Variants in FAN1 observed in about 807,000 individuals in gnomAD.
FAN1 encodes the protein FANCD2 and FANCI associated nuclease 1.
A neutral mutation model predicts 104.9 loss-of-function variants in FAN1; 91 were observed. The ratio of observed to expected loss-of-function variants is 0.87; its 90% CI spans 0.73 to 1.03. The LOEUF is 1.03. Among genes scored for constraint, FAN1 ranks in the 50% least tolerant of loss-of-function variants. The pLI, the probability that FAN1 is intolerant of heterozygous loss-of-function variation, is 0.00. For missense variants in FAN1, 1,263 were observed against 1,239.9 expected (o/e 1.02, Z -0.28); for synonymous variants, 478 against 457.6 (o/e 1.04, Z -0.57).
Position 30,905,116 on chromosome 15 carries a change from T to C in FAN1, c.453T>C (p.Cys151=), listed in dbSNP as rs746819476. 2.0e-5 allele frequency: 32 copies of C among 1,613,964 alleles called. No individual in the cohort carries two copies. Among genetic ancestry groups the C allele is most frequent in the Non-Finnish European group, 2.1e-5 (25 of 1,180,026 alleles). ...ELRNRSVKVI[C]LGSLASKLSR... is the part of the protein sequence containing the mutation. ...GAAATCGTAGTGTGAAAGTCATTTG[T>C]TTGGGAAGCCTAGCATCTAAATTGT... Residue 151 remains cysteine, a synonymous_variant, in exon 2 of 15, where the codon TGT becomes TGC. Coordinates refer to ENST00000362065, the MANE Select transcript of FAN1 (RefSeq NM_014967.5).
chr15:30,913,826 T>C (rs772175550), intron 4 of FAN1, 32 bp from the exon 5 acceptor site: 1 of 1,436,836 alleles, frequency 7.0e-7, no homozygotes, highest in African/African-American at 1.4e-5. Flanking sequence ...CTTAAAAAGC[T>C]AAAAGTTATT....
rs142350646 is a variant in FAN1, at chr15:30,905,153, G to C, written c.490G>C (p.Val164Leu). The C allele has an allele frequency of 6.2e-7, 1 of 1,613,686 alleles. No homozygotes were observed. The highest frequency in any genetic ancestry group is 1.3e-5 in the African/African-American group (1 of 74,910). ...AGCATCTAAATTGTCCAGAAAATACGTAAAGGCTAAAAAATCAATAGATAA... is the reference window on the plus strand; with the variant it reads ...AGCATCTAAATTGTCCAGAAAATACCTAAAGGCTAAAAAATCAATAGATAA... ...SLASKLSRKY[V>L]KAKKSIDKDE... Residue 164 changes from valine (V) to leucine (L), a missense_variant, in exon 2 of 15, where the codon GTA becomes CTA. This residue lies in a region of FAN1 where 682 missense variants were observed against 571.1 expected (regional missense o/e 1.19). Transcript: ENST00000362065.
intron 3 of FAN1, among the ~76,000 whole-genome samples, chr15:30,909,739 C>T (rs1226120871): frequency 6.6e-6 from 1 of 152,192 alleles, no homozygotes; most frequent in African/African-American, 2.4e-5. Flanking sequence ...GTCTCAGAGC[C>T]TTGGACTGAC....
chr15:30,929,701 ATT>A (rs1188381346), intron 12 of FAN1, among the ~76,000 whole-genome samples: 1 of 60,996 alleles, frequency 1.6e-5, no homozygotes, highest in Non-Finnish European at 3.3e-5. Flanking sequence ...TAAAATATAT[ATT>A]ATATCATATA....
At chr15:30,940,984 A>C (rs1418782995) in intron 14 of FAN1, 2 of 1,133,664 alleles carry the variant, frequency 1.8e-6, no homozygotes, top group Non-Finnish European at 1.1e-6. Context: ...GCCCCAGAAC[A>C]CTGAACCTTC....
At chr15:30,939,687 G>A (rs1485328968) in intron 14 of FAN1, 7 of 959,800 alleles carry the variant, frequency 7.3e-6, no homozygotes, top group African/African-American at 1.8e-5. Flanking sequence ...AAATTACAGA[G>A]GGAAAAATGC....
chr15:30,921,382 T>A (rs911103413), intron 7 of FAN1, among the ~76,000 whole-genome samples: 3 of 152,218 alleles, frequency 2.0e-5, no homozygotes, highest in Non-Finnish European at 4.4e-5. Context: ...ATGGATTGTC[T>A]GGAGACAATT....
chr15:30,913,197 G>A (rs2949566), intron 4 of FAN1, among the ~76,000 whole-genome samples: 62,905 of 152,030 alleles, frequency 0.41, 14,333 homozygotes, highest in East Asian at 0.85. Context: ...ATTCTCATAG[G>A]AGTGTGAACC....
intron 14 of FAN1, chr15:30,940,336 T>C (rs2062999114): frequency 1.0e-6 from 1 of 985,324 alleles, no homozygotes; most frequent in African/African-American, 1.7e-5. Context: ...CTCCTCAACT[T>C]TGCTGTCCAA....
Position 30,918,162 on chromosome 15 carries a change from A to G in FAN1, c.1812-2A>G. The G allele has an allele frequency of 6.2e-7, 1 of 1,613,932 alleles. No homozygotes were observed. Among genetic ancestry groups the G allele is most frequent in the Non-Finnish European group, 8.5e-7 (1 of 1,180,006 alleles). ...TGGAACTTGGATGGCATTTTCCTCC[A>G]GATATGCAGCAGCCACGCACATGCT... is the stretch of plus-strand genomic sequence containing the variant. On this transcript the variant is annotated splice_acceptor_variant, in intron 5 of 14. Coordinates refer to ENST00000362065, the MANE Select transcript of FAN1 (RefSeq NM_014967.5). LOFTEE classifies it high-confidence loss of function.
In FAN1 at chr15:30,930,594, C is replaced by G. The variant is rs1161372097; in HGVS notation, c.2839C>G (p.Leu947Val). 1 of 1,612,946 alleles carries G rather than the reference C, an allele frequency of 6.2e-7. No homozygotes were observed. The highest frequency in any genetic ancestry group is 8.5e-7 in the Non-Finnish European group (1 of 1,179,574). The change falls in exon 13 of 15, where the codon CTG becomes GTG. Residue 947 changes from leucine (L) to valine (V), a missense_variant. Leu to Val is a conservative substitution (Grantham distance 32). Transcript: ENST00000362065. The stretch of plus-strand genomic sequence containing the variant: ...TGTGCTCAGTGGTGTGTGCAGGCAC[C>G]TGGCTGCTGACTTTCGACACTGTCG... ...GPVLSGVCRH[L>V]AADFRHCRGG...
In FAN1 at chr15:30,922,283, C is replaced by G. The variant is rs757881359; in HGVS notation, c.2101C>G (p.Pro701Ala). Residue 701 changes from proline to alanine, a missense_variant, in exon 8 of 15, where the codon CCT (proline) becomes GCT (alanine). Around this residue, in one of 2 missense-constraint regions of FAN1, gnomAD observed 581 missense variants for 668.8 expected, o/e 0.87. Coordinates refer to ENST00000362065, the MANE Select transcript of FAN1 (RefSeq NM_014967.5). ...ESLLSQRIYC[P>A]DSRGRWWDRL... ...CCTTTTGTCTCAGAGAATTTATTGT[C>G]CTGACAGCAGAGGCCGATGGTGGGA... The G allele has an allele frequency of 1.4e-5, 22 of 1,613,980 alleles. No homozygotes were observed. The highest frequency in any genetic ancestry group is 1.6e-4 in the Middle Eastern group (1 of 6,062).
intron 8 of FAN1, 107 bp from the exon 9 acceptor site, chr15:30,925,020 A>T (rs1450553410): frequency 4.2e-6 from 5 of 1,203,300 alleles, no homozygotes; most frequent in Admixed American, 2.3e-5. Context: ...TCATTTGCTA[A>T]TCAGCAAAAT....
intron 8 of FAN1, 172 bp from the exon 9 acceptor site, chr15:30,924,955 A>G: frequency 3.2e-6 from 2 of 627,390 alleles, no homozygotes; most frequent in Admixed American, 3.4e-5. Flanking sequence ...GATGCATTGA[A>G]ATCCTCAGAA....
intron 10 of FAN1, chr15:30,927,496 T>C: frequency 1.0e-6 from 1 of 985,700 alleles, no homozygotes; most frequent in Non-Finnish European, 1.2e-6. Flanking sequence ...GCCTCAGAAG[T>C]GCAGGACAGA....
chr15:30,940,369 T>C lies in FAN1; in HGVS notation c.*4-1197T>C, dbSNP rs151109775. On this transcript the variant is annotated intron_variant, in intron 14 of 14. Transcript: ENST00000362065. ...CAAAGTTGGGGGCTGGGGGAGCACT[T>C]CTGTCGCTATTCAAATGGCAGTGTT... 300 of 985,456 alleles carry C rather than the reference T, an allele frequency of 3.0e-4. No individual in the cohort carries two copies. The African/African-American group carries it at 4.8e-3, about 16-fold the overall frequency. The allele number at this position is 985,456 out of a possible 1,614,324, so 61.0% of individuals were successfully genotyped here.
chr15:30,943,069 A>G lies in FAN1; in HGVS notation c.*1507A>G, dbSNP rs1488488012. On this transcript the variant is annotated 3_prime_UTR_variant, in exon 15 of 15. Transcript: ENST00000362065. ...AATTGGATGTTTTTGCTTATAGCAA[A>G]TTCCTGCAAAATAAATAAATAAATA... is the stretch of plus-strand genomic sequence containing the variant. The G allele has an allele frequency of 6.5e-7, 1 of 1,526,756 alleles. No individual in the cohort carries two copies. The allele number at this position is 1,526,756 out of a possible 1,614,324, so 94.6% of individuals were successfully genotyped here. A position where few individuals can be genotyped will look rare whatever the true frequency, so the allele number is the denominator to read the frequency against.
rs759742998 is a variant in FAN1, at chr15:30,922,342, G to T, written c.2160G>T (p.Lys720Asn). Residue 720 changes from lysine (K) to asparagine (N), a missense_variant, in exon 8 of 15, where the codon AAG (lysine) becomes AAT (asparagine). Lys to Asn is a moderately conservative substitution (Grantham distance 94). Transcript: ENST00000362065. Reference protein sequence around the residue: ...RLALNLHQHLKRLEPTIKCIT... With the variant: ...RLALNLHQHLNRLEPTIKCIT... The stretch of plus-strand genomic sequence containing the variant: ...CCCTTAATTTACACCAGCACTTGAA[G>T]CGCCTGGAACCGGTACTCAGTAACA... The T allele has an allele frequency of 1.9e-6, 3 of 1,612,618 alleles. No individual in the cohort carries two copies. The South Asian group carries it at 3.3e-5, about 18-fold the overall frequency.
At position 30,905,086 on chromosome 15, in the gene FAN1, G is replaced by A. The variant is rs750395783; in HGVS notation, c.423G>A (p.Glu141=). 6.2e-7 allele frequency: 1 copy of A among 1,614,060 alleles called. No homozygotes were observed. Among genetic ancestry groups the A allele is most frequent in the Admixed American group, 1.7e-5 (1 of 60,026 alleles). ...ATGTGGTGTGCAAAAATCAAGATGA[G>A]CTGAGAAATCGTAGTGTGAAAGTCA... ...SNDVVCKNQD[E]LRNRSVKVIC... is the part of the protein sequence containing the mutation. Residue 141 remains glutamate (E), a synonymous_variant, in exon 2 of 15, where the codon GAG becomes GAA. Coordinates refer to ENST00000362065, the MANE Select transcript of FAN1 (RefSeq NM_014967.5).
Sources: allele counts gnomAD v4.1 joint callset (sites outside exome capture counted in the v4.1 genomes callset), GRCh38; gene constraint gnomAD v4.1.1; regional missense constraint gnomAD v4.1.1; transcripts MANE v1.5; gene names NCBI Gene and HGNC (gene_info 2026-07-23, HGNC 2026-07-21).